The following PRKCE variants were observed in gnomAD, a reference collection of about 807,000 sequenced individuals.
The protein encoded by PRKCE is protein kinase C epsilon, also known as protein kinase C epsilon type.
Under a neutral mutation model 85.4 loss-of-function variants are expected in PRKCE, and 16 were observed. The observed-to-expected ratio is 0.19, with a 90% CI of 0.13 to 0.28. The LOEUF (loss-of-function observed/expected upper bound fraction) is 0.28. Among genes scored for constraint, PRKCE ranks in the 10% least tolerant of loss-of-function variants. The probability of loss-of-function intolerance (pLI) is 1.00; values close to 1 mark genes in which losing one functional copy is unlikely to be tolerated. For missense variants in PRKCE, 573 were observed against 975.2 expected (o/e 0.59, Z 5.49); for synonymous variants, 388 against 371.5 (o/e 1.04, Z -0.51).
chr2:45,995,025 T>A (rs1390873233), intron 6 of PRKCE, among the ~76,000 whole-genome samples: 2 of 152,230 alleles, frequency 1.3e-5, no homozygotes, highest in Admixed American at 1.3e-4. Flanking sequence ...TAATTTGTAA[T>A]TTCCTAATGA....
chr2:45,794,229 T>C (rs996218128), intron 1 of PRKCE, among the ~76,000 whole-genome samples: 10 of 152,140 alleles, frequency 6.6e-5, no homozygotes, highest in African/African-American at 1.2e-4. Context: ...TATCGACGTT[T>C]TAAAAAGCGA....
At chr2:45,712,298 C>T (rs1679727871) in intron 1 of PRKCE, among the ~76,000 whole-genome samples, 1 of 151,910 alleles carries the variant, frequency 6.6e-6, no homozygotes, top group African/African-American at 2.4e-5. Flanking sequence ...CAGGCATGCA[C>T]CACCACGCCC....
intron 2 of PRKCE, among the ~76,000 whole-genome samples, chr2:45,880,828 G>A (rs1173391845): frequency 6.6e-6 from 1 of 152,190 alleles, no homozygotes; most frequent in African/African-American, 2.4e-5. Flanking sequence ...GTACGAACTA[G>A]ATATTAAGGA....
At position 45,956,055 on chromosome 2, in the gene PRKCE, G is replaced by C. The variant is rs879549796; in HGVS notation, c.413-20374G>C. On this transcript the variant is annotated intron_variant, in intron 2 of 14. Transcript: ENST00000306156. ...TCCAGAATGTTGTTTAAATGGAATCGTACAGTATATGTGTAGCCTTTTGAG... is the reference window on the plus strand; with the variant it reads ...TCCAGAATGTTGTTTAAATGGAATCCTACAGTATATGTGTAGCCTTTTGAG... Among the ~76,000 whole-genome samples the C allele has an allele frequency of 2.0e-5, 3 of 152,088 alleles. No individual in the cohort carries two copies. In the East Asian group the frequency reaches 5.8e-4, roughly 29 times the overall value.
intron 1 of PRKCE, among the ~76,000 whole-genome samples, chr2:45,745,632 C>T (rs1441700833): frequency 1.3e-5 from 2 of 152,100 alleles, no homozygotes; most frequent in African/African-American, 2.4e-5. Context: ...TATAACTTTA[C>T]TTTTAATCCC....
At chr2:46,181,250 G>C (rs965269033) in intron 14 of PRKCE, among the ~76,000 whole-genome samples, 6 of 152,200 alleles carry the variant, frequency 3.9e-5, no homozygotes, top group African/African-American at 7.2e-5. Flanking sequence ...TTTTCCCAGA[G>C]ATGTTTGCTT....
chr2:45,870,849 G>A (rs1024827540), intron 2 of PRKCE, among the ~76,000 whole-genome samples: 1 of 152,144 alleles, frequency 6.6e-6, no homozygotes, highest in Non-Finnish European at 1.5e-5. Context: ...TAACGTACTG[G>A]GCACATAGTG....
chr2:45,854,885 T>C (rs867925555), intron 2 of PRKCE, among the ~76,000 whole-genome samples: 1 of 152,030 alleles, frequency 6.6e-6, no homozygotes, highest in African/African-American at 2.4e-5. Flanking sequence ...ATGACAAGGG[T>C]TACAAGGAGT....
rs117466834 is a variant in PRKCE at position 46,081,221 on chromosome 2, C to T, written c.1438-4987C>T. On this transcript the variant is annotated intron_variant, in intron 10 of 14. Transcript: ENST00000306156. The stretch of plus-strand genomic sequence containing the variant: ...TTGTTTAGGCCTCAAGCCATCCTGC[C>T]ACCTCAGCCTCCCAAAGTGCTGGGA... Among the ~76,000 whole-genome samples the T allele has an allele frequency of 2.4e-4, 36 of 152,276 alleles. No individual in the cohort carries two copies. In the East Asian group the frequency reaches 6.6e-3, roughly 28 times the overall value.
intron 1 of PRKCE, among the ~76,000 whole-genome samples, chr2:45,820,923 A>G (rs756926976): frequency 1.3e-5 from 2 of 152,100 alleles, no homozygotes; most frequent in South Asian, 2.1e-4. Flanking sequence ...ACAAACTGCA[A>G]TCTTATGAGG....
At position 46,139,137 on chromosome 2, in the gene PRKCE, G is replaced by A. The variant is rs932658574; in HGVS notation, c.1593-5956G>A. On this transcript the variant is annotated intron_variant, in intron 11 of 14. Transcript: ENST00000306156. The surrounding 1 kb of genome is among the most constrained non-coding windows in gnomAD (Gnocchi z 5.2). ...CCTAAAATCAGGGACCACCAAAGAT[G>A]CTATCACCATTATTACTTAGCATTG... Among the ~76,000 whole-genome samples, 1 of 152,168 alleles carries A rather than the reference G, an allele frequency of 6.6e-6. No individual in the cohort carries two copies. Among genetic ancestry groups the A allele is most frequent in the Admixed American group, 6.5e-5 (1 of 15,284 alleles).
intron 6 of PRKCE, among the ~76,000 whole-genome samples, chr2:45,999,316 A>G (rs1236879268): frequency 6.6e-6 from 1 of 152,092 alleles, no homozygotes. Context: ...GGAAGTTTTA[A>G]TTTCTCCTTC....
chr2:46,043,115 T>TTTC (rs1708311132), intron 10 of PRKCE, among the ~76,000 whole-genome samples: 1 of 151,918 alleles, frequency 6.6e-6, no homozygotes, highest in Non-Finnish European at 1.5e-5. Flanking sequence ...TTTTTTTTTT[T>TTTC]CAAGGTGTTC....
At chr2:45,941,065 TAAAAA>T (rs397781944) in intron 2 of PRKCE, among the ~76,000 whole-genome samples, 1 of 67,162 alleles carries the variant, frequency 1.5e-5, no homozygotes, top group Admixed American at 2.4e-4. Flanking sequence ...GACTTCATCC[TAAAAA>T]AAAAAAAAAA....
chr2:46,006,484 G>A (rs1036424261), intron 8 of PRKCE, among the ~76,000 whole-genome samples: 14 of 152,102 alleles, frequency 9.2e-5, no homozygotes, highest in African/African-American at 2.9e-4. Flanking sequence ...AGCCCTTATG[G>A]GACTCTGTCC....
At chr2:45,886,287 A>T (rs908432559) in intron 2 of PRKCE, among the ~76,000 whole-genome samples, 2 of 150,588 alleles carry the variant, frequency 1.3e-5, no homozygotes, top group African/African-American at 4.9e-5. Flanking sequence ...ACCCACTCCC[A>T]CTCTGAGCTC....
intron 11 of PRKCE, among the ~76,000 whole-genome samples, chr2:46,144,075 T>C (rs3754568): frequency 0.53 from 79,902 of 152,074 alleles, 22,436 homozygotes; most frequent in African/African-American, 0.71. Context: ...TCTTCTACCG[T>C]GTCAGGGCTG....
intron 11 of PRKCE, among the ~76,000 whole-genome samples, chr2:46,127,569 C>T (rs1186595596): frequency 3.3e-5 from 5 of 152,254 alleles, no homozygotes; most frequent in Admixed American, 2.0e-4. Context: ...TCAACCAGTG[C>T]TGTGCACTTG....
chr2:46,122,947 A>G (rs1160406338), intron 11 of PRKCE, among the ~76,000 whole-genome samples: 2 of 140,892 alleles, frequency 1.4e-5, no homozygotes, highest in Non-Finnish European at 3.0e-5. Flanking sequence ...TAATCAGGAG[A>G]GTCCTGGTGA....
Sources: gnomAD v4.1 joint callset for allele counts (sites outside exome capture counted in the v4.1 genomes callset) on GRCh38, gnomAD v4.1.1 for gene constraint, Gnocchi (gnomAD v3.1) non-coding constraint, MANE v1.5 for transcripts, NCBI Gene and HGNC (gene_info 2026-07-23, HGNC 2026-07-21) for gene names.